The following ANKRD66 variants were observed in gnomAD, a reference collection of about 807,000 sequenced individuals.
ANKRD66 encodes the protein ankyrin repeat domain-containing protein 66.
In ANKRD66, 10 loss-of-function variants were observed where a neutral mutation model predicts 10.9. The ratio of observed to expected loss-of-function variants is 0.91; its 90% CI spans 0.56 to 1.55. The LOEUF (loss-of-function observed/expected upper bound fraction) is 1.55, where lower values mean the gene tolerates loss of function less well. Among genes scored for constraint, ANKRD66 ranks in the 40% most tolerant of loss-of-function variants. The pLI is 0.00. For missense variants in ANKRD66, 252 were observed against 242.9 expected (o/e 1.04, Z -0.25); for synonymous variants, 85 against 88.4 (o/e 0.96, Z 0.22).
chr6:46,758,582 T>G (rs968917921), intron 4 of ANKRD66, 141 bp from the exon 5 acceptor site: 4 of 732,758 alleles, frequency 5.5e-6, no homozygotes, highest in Admixed American at 6.1e-5. Context: ...CTTCCCTAAG[T>G]GTATGCTTGG....
intron 3 of ANKRD66, 125 bp downstream of exon 3, chr6:46,752,236 A>G: frequency 8.7e-7 from 1 of 1,155,008 alleles, no homozygotes; most frequent in Non-Finnish European, 1.1e-6. Flanking sequence ...ACTTCATTTC[A>G]TTTTTTTTCT....
rs1022388377 is a variant in ANKRD66, at chr6:46,749,919, C to T, written c.-73C>T. 4 of 1,550,614 alleles carry T rather than the reference C, an allele frequency of 2.6e-6. No individual in the cohort carries two copies. The highest frequency in any genetic ancestry group is 1.7e-4 in the Middle Eastern group (1 of 5,988). On this transcript the variant is annotated 5_prime_UTR_variant, in exon 2 of 5. Transcript: ENST00000565422. Reference sequence around the variant, plus strand: ...AGGGCTGTTCTCACATTTCAATGCACTCACCTGGAGGGCTTACCACAACAA... The same window carrying T: ...AGGGCTGTTCTCACATTTCAATGCATTCACCTGGAGGGCTTACCACAACAA...
In ANKRD66 at chr6:46,753,857, A is replaced by G; in HGVS notation, c.299A>G (p.His100Arg). 1 of 1,551,738 alleles carries G rather than the reference A, an allele frequency of 6.4e-7. No individual in the cohort carries two copies. The highest frequency in any genetic ancestry group is 8.7e-7 in the Non-Finnish European group (1 of 1,147,002). Residue 100 changes from histidine to arginine, a missense_variant, in exon 4 of 5, where the codon CAC becomes CGC. Coordinates refer to ENST00000565422, the MANE Select transcript of ANKRD66 (RefSeq NM_001162435.3). ...ATACTCAAAACTCTCCATGCATTGC[A>G]CGCTGCCATCGACGCCCCTGACTTC... is the stretch of plus-strand genomic sequence containing the variant. The part of the protein sequence containing the change: ...LNILKTLHAL[H>R]AAIDAPDFFG...
In ANKRD66 at chr6:46,752,126, C is replaced by T; in HGVS notation, c.163+15C>T. The T allele has an allele frequency of 4.1e-6, 6 of 1,452,342 alleles. No homozygotes were observed. Among genetic ancestry groups the T allele is most frequent in the Non-Finnish European group, 5.4e-6 (6 of 1,103,160 alleles). 90.0% of individuals were successfully genotyped at this position (1,452,342 alleles called of 1,614,324 possible). ...TGCAATCAAAGGTGAGTGGGCAATG[C>T]TTAGGTAGATCTGCCCTTTTGAGTC... On this transcript the variant is annotated intron_variant, in intron 3 of 4. Coordinates refer to ENST00000565422, the MANE Select transcript of ANKRD66 (RefSeq NM_001162435.3).
chr6:46,757,257 G>C (rs1488038643), intron 4 of ANKRD66: 1 of 152,124 alleles, frequency 6.6e-6, no homozygotes, highest in Non-Finnish European at 1.5e-5. Context: ...ATGAAGGAGG[G>C]AGAAAAACTG....
intron 4 of ANKRD66, among the ~76,000 whole-genome samples, chr6:46,755,626 T>C (rs1348836009): frequency 6.6e-6 from 1 of 152,224 alleles, no homozygotes; most frequent in East Asian, 1.9e-4. Context: ...CTTTGTTACA[T>C]CTTTACGGTT....
rs752487458 is a variant in ANKRD66 at position 46,753,896 on chromosome 6, C to T, written c.338C>T (p.Pro113Leu). ...GCCCCTGACTTCTTTGGAGACACACCGAAGAGGATTGCACAGATCTATGGA... is the reference window on the plus strand; with the variant it reads ...GCCCCTGACTTCTTTGGAGACACACTGAAGAGGATTGCACAGATCTATGGA... ...IDAPDFFGDT[P>L]KRIAQIYGQK... The change falls in exon 4 of 5, where the codon CCG (proline) becomes CTG (leucine). Residue 113 changes from proline (P) to leucine (L), a missense_variant. Physicochemically the swap from Pro to Leu is moderately conservative, Grantham distance 98 (BLOSUM62 -3). Coordinates refer to ENST00000565422, the MANE Select transcript of ANKRD66 (RefSeq NM_001162435.3). The T allele has an allele frequency of 1.7e-5, 26 of 1,551,516 alleles. No individual in the cohort carries two copies. The highest frequency in any genetic ancestry group is 1.2e-4 in the Admixed American group (6 of 50,990).
At chr6:46,747,610 T>C (rs773564353) in intron 1 of ANKRD66, among the ~76,000 whole-genome samples, 4 of 152,364 alleles carry the variant, frequency 2.6e-5, no homozygotes, top group Non-Finnish European at 5.9e-5. Flanking sequence ...GGTTCATCCA[T>C]AAAGTATGTA....
chr6:46,754,736 C>T (rs1766347356), intron 4 of ANKRD66, among the ~76,000 whole-genome samples: 1 of 152,108 alleles, frequency 6.6e-6, no homozygotes, highest in Admixed American at 6.6e-5. Flanking sequence ...AAAATTTTGC[C>T]TATGATGAGA....
chr6:46,747,327 A>T (rs1766164942), intron 1 of ANKRD66, among the ~76,000 whole-genome samples: 1 of 152,178 alleles, frequency 6.6e-6, no homozygotes, highest in African/African-American at 2.4e-5. Context: ...ACATACCATA[A>T]AACTGGATTC....
chr6:46,753,607 G>A, intron 3 of ANKRD66, 115 bp from the exon 4 acceptor site: 1 of 949,594 alleles, frequency 1.1e-6, no homozygotes. Context: ...GAAACTGGAG[G>A]CTCCTCAAAG....
At chr6:46,749,758 C>T (rs930557836) in intron 1 of ANKRD66, 138 bp from the exon 2 acceptor site, 9 of 957,304 alleles carry the variant, frequency 9.4e-6, no homozygotes, top group Non-Finnish European at 1.3e-5. Flanking sequence ...TGACCCATCG[C>T]ATCAGGACCC....
chr6:46,758,828 G>A lies in ANKRD66; in HGVS notation c.498G>A (p.Leu166=), dbSNP rs1185908469. The A allele has an allele frequency of 6.4e-7, 1 of 1,551,602 alleles. No homozygotes were observed. Among genetic ancestry groups the A allele is most frequent in the Non-Finnish European group, 8.7e-7 (1 of 1,146,930 alleles). The part of the protein sequence containing the change: ...DWDAKKRELE[L]SLPSLNQNMN... ...ATGCCAAGAAAAGGGAGCTGGAGCT[G>A]TCTCTTCCTTCCCTAAATCAAAACA... is the stretch of plus-strand genomic sequence containing the variant. Residue 166 remains leucine (L), a synonymous_variant, in exon 5 of 5, where the codon CTG becomes CTA. Transcript: ENST00000565422.
At chr6:46,756,105 A>G (rs1370320311) in intron 4 of ANKRD66, 1 of 449,064 alleles carries the variant, frequency 2.2e-6, no homozygotes, top group South Asian at 1.6e-5. Flanking sequence ...CTCTATATAA[A>G]TCAAGAAACG....
chr6:46,751,174 T>C (rs931583313), intron 2 of ANKRD66, among the ~76,000 whole-genome samples: 11 of 152,340 alleles, frequency 7.2e-5, no homozygotes, highest in African/African-American at 2.4e-4. Flanking sequence ...TTTGGTGTCA[T>C]TGCCTTGCTT....
At chr6:46,750,589 A>G (rs1766248663) in intron 2 of ANKRD66, among the ~76,000 whole-genome samples, 1 of 150,038 alleles carries the variant, frequency 6.7e-6, no homozygotes, top group Non-Finnish European at 1.5e-5. Flanking sequence ...TAATATATAT[A>G]CATATATGTG....
intron 2 of ANKRD66, among the ~76,000 whole-genome samples, chr6:46,750,640 GTA>G (rs1254966459): frequency 5.4e-5 from 8 of 147,898 alleles, no homozygotes; most frequent in African/African-American, 7.4e-5. Flanking sequence ...ACACACATAT[GTA>G]TATATAATAT....
intron 1 of ANKRD66, among the ~76,000 whole-genome samples, 190 bp downstream of exon 1, chr6:46,747,180 A>G (rs1766161716): frequency 6.6e-6 from 1 of 152,198 alleles, no homozygotes; most frequent in Non-Finnish European, 1.5e-5. Flanking sequence ...TAAAGGAACC[A>G]ATTGATAAAT....
rs894272238 is a variant in ANKRD66 at position 46,759,050 on chromosome 6, C to A, written c.*129C>A. On this transcript the variant is annotated 3_prime_UTR_variant, in exon 5 of 5. Transcript: ENST00000565422. ...ACCTGGCTTCTGCCCATGGACCTGTCATTAGGTGCTGTCCACATGGGCTGT... is the reference window on the plus strand; with the variant it reads ...ACCTGGCTTCTGCCCATGGACCTGTAATTAGGTGCTGTCCACATGGGCTGT... 4.7e-6 allele frequency: 4 copies of A among 848,524 alleles called. No homozygotes were observed. Among genetic ancestry groups the A allele is most frequent in the Non-Finnish European group, 7.1e-6 (4 of 564,462 alleles). The allele number at this position is 848,524 out of a possible 1,614,324, so 52.6% of individuals were successfully genotyped here. A position where few individuals can be genotyped will look rare whatever the true frequency, so the allele number is the denominator to read the frequency against.
Sources: allele counts gnomAD v4.1 joint callset (sites outside exome capture counted in the v4.1 genomes callset), GRCh38; gene constraint gnomAD v4.1.1; transcripts MANE v1.5; gene names NCBI Gene and HGNC (gene_info 2026-07-23, HGNC 2026-07-21).